Variants in SNX33 observed in about 807,000 individuals in gnomAD.
SNX33 encodes sorting nexin-33.
SNX33 carries 19 observed loss-of-function variants against 38.8 expected under a neutral mutation model. The ratio of observed to expected loss-of-function variants is 0.49; its 90% confidence interval spans 0.34 to 0.72. The LOEUF (loss-of-function observed/expected upper bound fraction) is 0.72. Among genes scored for constraint, SNX33 ranks in the 30% least tolerant of loss-of-function variants. The pLI, the probability that SNX33 is intolerant of heterozygous loss-of-function variation, is 0.01. For synonymous variants in SNX33, 246 were observed against 289.7 expected, an observed-to-expected ratio of 0.85 and a Z score of 1.53; for missense variants, 641 against 776.4, an observed-to-expected ratio of 0.83 and a Z score of 2.07.
In SNX33 at chr15:75,649,274, A is replaced by G; in HGVS notation, c.172A>G (p.Ile58Val). The change falls in exon 1 of 2, where the codon ATC (isoleucine) becomes GTC (valine). Residue 58 changes from isoleucine to valine, a missense_variant. By Grantham distance (29) the Ile-to-Val change is conservative. Around this residue, in one of 2 missense-constraint regions of SNX33, gnomAD observed 243 missense variants for 233.9 expected, o/e 1.04. Transcript: ENST00000308527. This position sits in a 1 kb window ranked among gnomAD's most constrained non-coding sequence, Gnocchi z 6.6. ...TGLFPASYVE[I>V]VRSGISTNHA... is the part of the protein sequence containing the mutation. ...GCTCTTTCCTGCCTCTTATGTGGAGATCGTCCGTTCTGGCATCAGCACCAA... is the reference window on the plus strand; with the variant it reads ...GCTCTTTCCTGCCTCTTATGTGGAGGTCGTCCGTTCTGGCATCAGCACCAA... The G allele has an allele frequency of 6.2e-7, 1 of 1,613,358 alleles. No homozygotes were observed. Among genetic ancestry groups the G allele is most frequent in the South Asian group, 1.1e-5 (1 of 90,944 alleles).
At position 75,649,007 on chromosome 15, in the gene SNX33, A is replaced by C; in HGVS notation, c.-96A>C. Reference sequence around the variant, plus strand: ...TGAGAGATTGAACTGTGTAAGCGCCATTCAGCTGCGAGTGCATTCTTGGAC... The same window carrying C: ...TGAGAGATTGAACTGTGTAAGCGCCCTTCAGCTGCGAGTGCATTCTTGGAC... On this transcript the variant is annotated 5_prime_UTR_variant, in exon 1 of 2. Transcript: ENST00000308527. This position sits in a 1 kb window ranked among gnomAD's most constrained non-coding sequence, Gnocchi z 6.6. 4 of 1,455,844 alleles carry C rather than the reference A, an allele frequency of 2.7e-6. No homozygotes were observed. The highest frequency in any genetic ancestry group is 2.8e-6 in the Non-Finnish European group (3 of 1,083,676). The allele number at this position is 1,455,844 out of a possible 1,614,324, so 90.2% of individuals were successfully genotyped here.
chr15:75,657,235 C>T lies in SNX33; in HGVS notation c.*20C>T, dbSNP rs1303545827. The T allele has an allele frequency of 6.2e-7, 1 of 1,612,862 alleles. No individual in the cohort carries two copies. On this transcript the variant is annotated 3_prime_UTR_variant, in exon 2 of 2. Coordinates refer to ENST00000308527, the MANE Select transcript of SNX33 (RefSeq NM_153271.2). This position sits in a 1 kb window ranked among gnomAD's most constrained non-coding sequence, Gnocchi z 5.5. ...CTCTGACCGCGTGTGCCTGGGCCCC[C>T]TCCTTCCCCTGGGCCTGGTCACTGC...
rs375208796 is a variant in SNX33, at chr15:75,650,076, A to G, written c.974A>G (p.Gln325Arg). The change falls in exon 1 of 2, where the codon CAG (glutamine) becomes CGG (arginine). Residue 325 changes from glutamine (Q) to arginine (R), a missense_variant. Coordinates refer to ENST00000308527, the MANE Select transcript of SNX33 (RefSeq NM_153271.2). This position sits in a 1 kb window ranked among gnomAD's most constrained non-coding sequence, Gnocchi z 6.1. ...ATGACCAGCCACCCTGTGCTCTCCC[A>G]GTACGAAGGCTTCCAGCATTTCCTC... Reference protein sequence around the residue: ...DHMTSHPVLSQYEGFQHFLSC... With the variant: ...DHMTSHPVLSRYEGFQHFLSC... 12 of 1,613,954 alleles carry G rather than the reference A, an allele frequency of 7.4e-6. No individual in the cohort carries two copies. Among genetic ancestry groups the G allele is most frequent in the Non-Finnish European group, 9.3e-6 (11 of 1,179,968 alleles).
chr15:75,659,821 T>G lies in SNX33; in HGVS notation c.*2606T>G, dbSNP rs1893700502. 1 of 152,314 alleles carries G rather than the reference T, an allele frequency of 6.6e-6. No homozygotes were observed. The highest frequency in any genetic ancestry group is 6.5e-5 in the Admixed American group (1 of 15,276). The allele number at this position is 152,314 out of a possible 1,614,324, so 9.4% of individuals were successfully genotyped here. On this transcript the variant is annotated 3_prime_UTR_variant, in exon 2 of 2. Transcript: ENST00000308527. The stretch of plus-strand genomic sequence containing the variant: ...TGGATCCAGGAGAAGCATCAGGAAG[T>G]GGAGTCTTGGGATAATGCCAGGCCT...
rs1893519232 is a variant in SNX33, at chr15:75,648,063, T to C, written c.-1040T>C. ...CGGACAGACGGCTGGCCGCGCCATC[T>C]GCTCGCCGGAGCTCACTCTCCAAAC... On this transcript the variant is annotated 5_prime_UTR_variant, in exon 1 of 2. Transcript: ENST00000308527. This position sits in a 1 kb window ranked among gnomAD's most constrained non-coding sequence, Gnocchi z 4.4. 1.0e-6 allele frequency: 1 copy of C among 985,304 alleles called. No homozygotes were observed. Among genetic ancestry groups the C allele is most frequent in the Non-Finnish European group, 1.2e-6 (1 of 829,944 alleles). 61.0% of individuals were successfully genotyped at this position (985,304 alleles called of 1,614,324 possible). A position where few individuals can be genotyped will look rare whatever the true frequency, so the allele number is the denominator to read the frequency against.
chr15:75,654,909 A>G (rs1893634807), intron 1 of SNX33, among the ~76,000 whole-genome samples: 1 of 152,226 alleles, frequency 6.6e-6, no homozygotes, highest in South Asian at 2.1e-4. Flanking sequence ...CTCTAAGGCC[A>G]TGGACAGGAA....
chr15:75,656,836 T>G (rs1893657319), intron 1 of SNX33, 126 bp from the exon 2 acceptor site: 3 of 1,423,724 alleles, frequency 2.1e-6, no homozygotes, highest in Non-Finnish European at 2.8e-6. Context: ...GTGGCTGGAA[T>G]GTGGGTCTGG....
At chr15:75,652,008 T>G (rs1396522192) in intron 1 of SNX33, among the ~76,000 whole-genome samples, 1 of 148,826 alleles carries the variant, frequency 6.7e-6, no homozygotes, top group Non-Finnish European at 1.5e-5. Flanking sequence ...TTCTTTCTGT[T>G]TTTTTTTTTT....
Position 75,649,878 on chromosome 15 carries a change from C to G in SNX33, c.776C>G (p.Ala259Gly), listed in dbSNP as rs148170720. 5,508 of 1,542,830 alleles carry G rather than the reference C, an allele frequency of 3.6e-3. 19 individuals are homozygous for G. The highest frequency in any genetic ancestry group is 4.2e-3 in the Non-Finnish European group (4,858 of 1,147,436). The change falls in exon 1 of 2, where the codon GCT becomes GGT. Residue 259 changes from alanine (A) to glycine (G), a missense_variant. Ala to Gly is a moderately conservative substitution (Grantham distance 60). Transcript: ENST00000308527. The surrounding 1 kb of genome is among the most constrained non-coding windows in gnomAD (Gnocchi z 6.6). ...YISYKLTPTH[A>G]ASPVYRRYKH... ...TCCTACAAGCTCACACCCACCCATG[C>G]TGCCTCACCCGTCTACCGGCGCTAC...
At position 75,648,129 on chromosome 15, in the gene SNX33, T is replaced by G; in HGVS notation, c.-974T>G. Reference sequence around the variant, plus strand: ...GTGTGCGTGCACGCGAGGGTGGTGATCGGGGGTCGTAAGTCCCGGGTGAGG... The same window carrying G: ...GTGTGCGTGCACGCGAGGGTGGTGAGCGGGGGTCGTAAGTCCCGGGTGAGG... On this transcript the variant is annotated 5_prime_UTR_variant, in exon 1 of 2. Coordinates refer to ENST00000308527, the MANE Select transcript of SNX33 (RefSeq NM_153271.2). This position sits in a 1 kb window ranked among gnomAD's most constrained non-coding sequence, Gnocchi z 4.4. 2 of 985,460 alleles carry G rather than the reference T, an allele frequency of 2.0e-6. No homozygotes were observed. The highest frequency in any genetic ancestry group is 2.4e-6 in the Non-Finnish European group (2 of 829,992). The allele number at this position is 985,460 out of a possible 1,614,324, so 61.0% of individuals were successfully genotyped here. A position where few individuals can be genotyped will look rare whatever the true frequency, so the allele number is the denominator to read the frequency against.
Position 75,657,400 on chromosome 15 carries a change from C to G in SNX33, c.*185C>G. 1 of 994,660 alleles carries G rather than the reference C, an allele frequency of 1.0e-6. No homozygotes were observed. Among genetic ancestry groups the G allele is most frequent in the Non-Finnish European group, 1.5e-6 (1 of 686,540 alleles). The allele number at this position is 994,660 out of a possible 1,614,324, so 61.6% of individuals were successfully genotyped here. A position where few individuals can be genotyped will look rare whatever the true frequency, so the allele number is the denominator to read the frequency against. On this transcript the variant is annotated 3_prime_UTR_variant, in exon 2 of 2. Coordinates refer to ENST00000308527, the MANE Select transcript of SNX33 (RefSeq NM_153271.2). The surrounding 1 kb of genome is among the most constrained non-coding windows in gnomAD (Gnocchi z 5.5). ...ATGGGTGCCCCTGGGAAATTCCCCA[C>G]TCCTTAGAAGTGGGGCACAGCAGGG... is the stretch of plus-strand genomic sequence containing the variant.
At chr15:75,653,894 C>T (rs1046521912) in intron 1 of SNX33, among the ~76,000 whole-genome samples, 3 of 152,046 alleles carry the variant, frequency 2.0e-5, no homozygotes, top group African/African-American at 7.2e-5. Context: ...GAGTTCGACA[C>T]CAGCCTGGCT....
chr15:75,650,346 A>G lies in SNX33; in HGVS notation c.1244A>G (p.Gln415Arg). The change falls in exon 1 of 2, where the codon CAG becomes CGG. Residue 415 changes from glutamine (Q) to arginine (R), a missense_variant. Gln to Arg is a conservative substitution (Grantham distance 43, BLOSUM62 1). Coordinates refer to ENST00000308527, the MANE Select transcript of SNX33 (RefSeq NM_153271.2). This position sits in a 1 kb window ranked among gnomAD's most constrained non-coding sequence, Gnocchi z 6.1. Reference protein sequence around the residue: ...KHVGGFRKEFQKLGSAFQAIS... With the variant: ...KHVGGFRKEFRKLGSAFQAIS... ...GTGGGGGGCTTCCGCAAGGAATTCC[A>G]GAAGCTGGGCAGTGCCTTCCAGGCC... 1.2e-6 allele frequency: 2 copies of G among 1,603,754 alleles called. No individual in the cohort carries two copies. Among genetic ancestry groups the G allele is most frequent in the African/African-American group, 1.3e-5 (1 of 74,798 alleles).
rs944097525 is a variant in SNX33 at position 75,658,360 on chromosome 15, A to T, written c.*1145A>T. The T allele has an allele frequency of 6.6e-6, 1 of 152,634 alleles. No individual in the cohort carries two copies. Among genetic ancestry groups the T allele is most frequent in the Non-Finnish European group, 1.5e-5 (1 of 68,056 alleles). 9.5% of individuals were successfully genotyped at this position (152,634 alleles called of 1,614,324 possible). A position where few individuals can be genotyped will look rare whatever the true frequency, so the allele number is the denominator to read the frequency against. ...AAGACAGGGGCCTGCTTGCCCAGCC[A>T]TGCGAGGGATTCCATGCCCACCTGC... On this transcript the variant is annotated 3_prime_UTR_variant, in exon 2 of 2. Coordinates refer to ENST00000308527, the MANE Select transcript of SNX33 (RefSeq NM_153271.2). This position sits in a 1 kb window ranked among gnomAD's most constrained non-coding sequence, Gnocchi z 4.1.
Position 75,648,598 on chromosome 15 carries a change from G to T in SNX33, c.-505G>T, listed in dbSNP as rs1893528086. 1 of 951,410 alleles carries T rather than the reference G, an allele frequency of 1.1e-6. No individual in the cohort carries two copies. The allele number at this position is 951,410 out of a possible 1,614,324, so 58.9% of individuals were successfully genotyped here. A position where few individuals can be genotyped will look rare whatever the true frequency, so the allele number is the denominator to read the frequency against. On this transcript the variant is annotated 5_prime_UTR_variant, in exon 1 of 2. An upstream open reading frame in the 5' UTR loses its in-frame stop. Transcript: ENST00000308527. This position sits in a 1 kb window ranked among gnomAD's most constrained non-coding sequence, Gnocchi z 4.4. ...AAGGGGCAGATCTGCAGAGGAATGT[G>T]AGAGCCTCCCAAAGCGAGAGCCGCC... is the stretch of plus-strand genomic sequence containing the variant.
intron 1 of SNX33, among the ~76,000 whole-genome samples, chr15:75,652,004 C>CTT (rs143930959): frequency 2.1e-5 from 3 of 140,146 alleles, no homozygotes; most frequent in Non-Finnish European, 3.1e-5. Context: ...TCCTTTCTTT[C>CTT]TGTTTTTTTT....
intron 1 of SNX33, among the ~76,000 whole-genome samples, chr15:75,651,825 C>T (rs1893584259): frequency 6.6e-6 from 1 of 152,142 alleles, no homozygotes; most frequent in South Asian, 2.1e-4. Flanking sequence ...CTGGGTGGGG[C>T]CAGGGGGCAG....
chr15:75,649,678 T>C lies in SNX33; in HGVS notation c.576T>C (p.Ser192=). 1 of 1,580,792 alleles carries C rather than the reference T, an allele frequency of 6.3e-7. No homozygotes were observed. Among genetic ancestry groups the C allele is most frequent in the Non-Finnish European group, 8.6e-7 (1 of 1,159,964 alleles). Residue 192 remains serine (S), a synonymous_variant, in exon 1 of 2, where the codon TCT becomes TCC. Coordinates refer to ENST00000308527, the MANE Select transcript of SNX33 (RefSeq NM_153271.2). This position sits in a 1 kb window ranked among gnomAD's most constrained non-coding sequence, Gnocchi z 6.6. ...ACCGTTTCTCATGCTTTGTGCGTTC[T>C]GGAGTGGAGGCCTTCATCCTGGGTG... is the stretch of plus-strand genomic sequence containing the variant. ...NLNRFSCFVR[S]GVEAFILGDV... is the part of the protein sequence containing the mutation.
rs929654724 is a variant in SNX33 at position 75,657,396 on chromosome 15, C to T, written c.*181C>T. ...AGTCATGGGTGCCCCTGGGAAATTC[C>T]CCACTCCTTAGAAGTGGGGCACAGC... is the stretch of plus-strand genomic sequence containing the variant. On this transcript the variant is annotated 3_prime_UTR_variant, in exon 2 of 2. Transcript: ENST00000308527. The surrounding 1 kb of genome is among the most constrained non-coding windows in gnomAD (Gnocchi z 5.5). 3.9e-6 allele frequency: 4 copies of T among 1,024,310 alleles called. No individual in the cohort carries two copies. The highest frequency in any genetic ancestry group is 5.6e-6 in the Non-Finnish European group (4 of 711,916). 63.5% of individuals were successfully genotyped at this position (1,024,310 alleles called of 1,614,324 possible).
Sources: gnomAD v4.1 joint callset for allele counts (sites outside exome capture counted in the v4.1 genomes callset) on GRCh38, gnomAD v4.1.1 for gene constraint, gnomAD v4.1.1 regional missense constraint, Gnocchi (gnomAD v3.1) non-coding constraint, MANE v1.5 for transcripts, NCBI Gene and HGNC (gene_info 2026-07-23, HGNC 2026-07-21) for gene names.